The following EPHA6 variants were observed in gnomAD, a reference collection of about 807,000 sequenced individuals.
EPHA6 encodes the protein ephrin type-A receptor 6.
Under a neutral mutation model 112.0 loss-of-function variants are expected in EPHA6, and 50 were observed. That is an observed-to-expected ratio of 0.45 (90% CI 0.36 to 0.56). EPHA6 has a LOEUF of 0.56. EPHA6 is among the 20% of genes least tolerant of loss of function. The pLI, the probability that EPHA6 is intolerant of heterozygous loss-of-function variation, is 0.00. For missense variants in EPHA6, 1,280 were observed against 1,417.4 expected (o/e 0.90, Z 1.56); for synonymous variants, 529 against 490.7 (o/e 1.08, Z -1.03).
chr3:97,217,698 T>C (rs561450200), intron 3 of EPHA6, among the ~76,000 whole-genome samples: 2 of 152,340 alleles, frequency 1.3e-5, no homozygotes, highest in South Asian at 4.1e-4. Context: ...ATTTGAAGTT[T>C]TGTGTATGCC....
intron 2 of EPHA6, among the ~76,000 whole-genome samples, chr3:96,933,567 C>T (rs1344871697): frequency 1.3e-5 from 2 of 152,098 alleles, no homozygotes; most frequent in Non-Finnish European, 2.9e-5. Context: ...TTAGTTATAA[C>T]AGAATTCTCT....
intron 4 of EPHA6, among the ~76,000 whole-genome samples, chr3:97,240,420 A>T (rs570245953): frequency 4.6e-4 from 70 of 152,034 alleles, no homozygotes; most frequent in South Asian, 1.0e-3. Flanking sequence ...AGAACTGATT[A>T]AATATAGCTT....
intron 9 of EPHA6, chr3:97,481,203 A>G: frequency 8.4e-7 from 1 of 1,194,690 alleles, no homozygotes; most frequent in Non-Finnish European, 1.2e-6. Context: ...GAAGTACTGG[A>G]AAAGACAACC....
intron 11 of EPHA6, among the ~76,000 whole-genome samples, chr3:97,546,666 A>G (rs1035412064): frequency 1.3e-5 from 2 of 152,206 alleles, no homozygotes; most frequent in African/African-American, 4.8e-5. Flanking sequence ...GTGTTTTCCA[A>G]CTTGGTTCCA....
chr3:97,617,251 C>T (rs1576089354), intron 13 of EPHA6, among the ~76,000 whole-genome samples: 1 of 152,032 alleles, frequency 6.6e-6, no homozygotes, highest in Non-Finnish European at 1.5e-5. Context: ...ACCACCAGAC[C>T]TGTCTTATAA....
chr3:96,985,554 G>A (rs1188431327), intron 2 of EPHA6, among the ~76,000 whole-genome samples: 1 of 152,136 alleles, frequency 6.6e-6, no homozygotes, highest in Non-Finnish European at 1.5e-5. Flanking sequence ...AAGGCATTTA[G>A]ATGGGAAATA....
At chr3:96,820,667 G>T (rs2033183598) in intron 1 of EPHA6, among the ~76,000 whole-genome samples, 1 of 152,006 alleles carries the variant, frequency 6.6e-6, no homozygotes, top group South Asian at 2.1e-4. Context: ...ACTTGATTCA[G>T]TTCAAACAAT....
intron 3 of EPHA6, among the ~76,000 whole-genome samples, chr3:97,079,896 T>C (rs1342709843): frequency 2.8e-5 from 4 of 144,228 alleles, no homozygotes; most frequent in African/African-American, 1.2e-4. Flanking sequence ...CACATGATTG[T>C]TAGGTTTTTT....
chr3:97,324,869 A>G (rs1018126731), intron 5 of EPHA6, among the ~76,000 whole-genome samples: 1 of 152,048 alleles, frequency 6.6e-6, no homozygotes, highest in East Asian at 1.9e-4. Flanking sequence ...AGAAAAATAT[A>G]TGATGAATTT....
At chr3:97,531,000 T>C (rs1475574958) in intron 10 of EPHA6, among the ~76,000 whole-genome samples, 2 of 152,050 alleles carry the variant, frequency 1.3e-5, no homozygotes, top group Non-Finnish European at 2.9e-5. Flanking sequence ...TGTCTTACAG[T>C]TGGCCATAAG....
chr3:97,705,020 C>G (rs2033602990), intron 14 of EPHA6, among the ~76,000 whole-genome samples: 1 of 152,064 alleles, frequency 6.6e-6, no homozygotes, highest in Admixed American at 6.6e-5. Flanking sequence ...CAAAACCAAA[C>G]AAAAATGAAA....
chr3:96,993,586 A>T (rs1411326702), intron 3 of EPHA6, among the ~76,000 whole-genome samples: 1 of 152,036 alleles, frequency 6.6e-6, no homozygotes, highest in African/African-American at 2.4e-5. Context: ...CTATGCCCTC[A>T]CTTTGAAATG....
chr3:97,417,107 T>C (rs73851242), intron 6 of EPHA6, among the ~76,000 whole-genome samples: 1 of 152,332 alleles, frequency 6.6e-6, no homozygotes, highest in African/African-American at 2.4e-5. Context: ...ATGTCCTTGA[T>C]GAAATGTATT....
At chr3:97,713,100 G>A (rs2034052037) in intron 14 of EPHA6, among the ~76,000 whole-genome samples, 1 of 152,126 alleles carries the variant, frequency 6.6e-6, no homozygotes, top group Non-Finnish European at 1.5e-5. Context: ...GAGGGATAGG[G>A]CAGCAACACC....
At chr3:97,234,992 A>G (rs555719695) in intron 4 of EPHA6, among the ~76,000 whole-genome samples, 35 of 152,184 alleles carry the variant, frequency 2.3e-4, no homozygotes, top group Non-Finnish European at 4.4e-4. Flanking sequence ...ACTTGTGTTC[A>G]TTCTCAGTGC....
At chr3:97,270,730 A>G (rs13318605) in intron 5 of EPHA6, among the ~76,000 whole-genome samples, 5,484 of 152,330 alleles carry the variant, frequency 0.036, 344 homozygotes, top group African/African-American at 0.12. Flanking sequence ...AAGGTTGCCC[A>G]GTTTAGAGGA....
At chr3:97,001,309 A>G (rs2043655327) in intron 3 of EPHA6, among the ~76,000 whole-genome samples, 1 of 151,844 alleles carries the variant, frequency 6.6e-6, no homozygotes, top group African/African-American at 2.4e-5. Context: ...TGTTTTTAAG[A>G]TATCTTGTTG....
Position 96,920,747 on chromosome 3 carries a change from C to T in EPHA6, c.450+53858C>T, listed in dbSNP as rs764821179. 5.3e-5 allele frequency among the ~76,000 whole-genome samples: 8 copies of T among 151,804 alleles called. No homozygotes were observed. In the Middle Eastern group the frequency reaches 0.01, roughly 196 times the overall value. On this transcript the variant is annotated intron_variant, in intron 2 of 17. Coordinates refer to ENST00000389672, the MANE Select transcript of EPHA6 (RefSeq NM_001080448.3). ...TATATTTGTGTGTTTTAGAGAATTC[C>T]CCCACTTATTTAAATAACTCCATTA...
chr3:97,668,054 A>T (rs2030340246), intron 14 of EPHA6, among the ~76,000 whole-genome samples: 1 of 151,992 alleles, frequency 6.6e-6, no homozygotes, highest in South Asian at 2.1e-4. Context: ...GTTATTTTAT[A>T]TTTTTTTGCA....
Sources: gnomAD v4.1 joint callset for allele counts (sites outside exome capture counted in the v4.1 genomes callset) on GRCh38, gnomAD v4.1.1 for gene constraint, MANE v1.5 for transcripts, NCBI Gene and HGNC (gene_info 2026-07-23, HGNC 2026-07-21) for gene names.